The following BTBD9 variants were observed in gnomAD, a reference collection of about 807,000 sequenced individuals.
BTBD9 encodes BTB domain containing 9, also known as BTB/POZ domain-containing protein 9.
Under a neutral mutation model 64.3 loss-of-function variants are expected in BTBD9, and 49 were observed. That is an observed-to-expected ratio of 0.76 (90% confidence interval 0.61 to 0.97). The LOEUF is 0.97. Ranked by LOEUF, BTBD9 falls within the 50% of genes least tolerant of loss-of-function variation. The pLI is 0.00. For missense variants in BTBD9, 598 were observed against 762.1 expected, an observed-to-expected ratio of 0.78 and a Z score of 2.53; for synonymous variants, 260 against 274.7, an observed-to-expected ratio of 0.95 and a Z score of 0.53.
intron 6 of BTBD9, among the ~76,000 whole-genome samples, chr6:38,492,865 C>T (rs1771767355): frequency 1.3e-5 from 2 of 152,248 alleles, no homozygotes; most frequent in South Asian, 4.1e-4. Flanking sequence ...AAAAAAATTA[C>T]ATGATGATAT....
intron 6 of BTBD9, among the ~76,000 whole-genome samples, chr6:38,504,085 C>T (rs1458857397): frequency 6.6e-6 from 1 of 152,160 alleles, no homozygotes; most frequent in Non-Finnish European, 1.5e-5. Context: ...TATATATAAT[C>T]ATTCCCTTGC....
In BTBD9 at chr6:38,454,662, G is replaced by C. The variant is rs118011518; in HGVS notation, c.1155-109569C>G. On this transcript the variant is annotated intron_variant, in intron 6 of 10. Coordinates refer to ENST00000481247, the MANE Select transcript of BTBD9 (RefSeq NM_001099272.2). ...AAATTTTAAAAACTAGCTGGGCATG[G>C]TGGTGTGTGCCTGTTGTCCTAGCTA... 4.5e-3 allele frequency among the ~76,000 whole-genome samples: 688 copies of C among 151,934 alleles called. 20 individuals are homozygous for C. In the East Asian group the frequency reaches 0.077, roughly 17 times the overall value.
At chr6:38,218,882 G>C (rs920114653) in intron 9 of BTBD9, among the ~76,000 whole-genome samples, 1 of 152,164 alleles carries the variant, frequency 6.6e-6, no homozygotes, top group South Asian at 2.1e-4. Context: ...CATTTTATCT[G>C]ATATGGGAAG....
At chr6:38,335,572 T>C (rs1250416141) in intron 7 of BTBD9, among the ~76,000 whole-genome samples, 2 of 151,622 alleles carry the variant, frequency 1.3e-5, no homozygotes, top group African/African-American at 4.8e-5. Flanking sequence ...TTCTTTTTTT[T>C]TTAGTTTTTT....
At chr6:38,588,987 G>A (rs1270632338) in intron 4 of BTBD9, among the ~76,000 whole-genome samples, 2 of 152,158 alleles carry the variant, frequency 1.3e-5, no homozygotes, top group African/African-American at 4.8e-5. Flanking sequence ...ACAGGGAAGT[G>A]TAATGCTTCC....
intron 6 of BTBD9, among the ~76,000 whole-genome samples, chr6:38,476,276 T>C (rs1476242819): frequency 1.3e-5 from 2 of 152,218 alleles, no homozygotes. Context: ...TTCAGTGTAC[T>C]TGTAAGGCTA....
At chr6:38,387,943 A>C (rs909587513) in intron 6 of BTBD9, among the ~76,000 whole-genome samples, 9 of 152,182 alleles carry the variant, frequency 5.9e-5, no homozygotes, top group African/African-American at 1.7e-4. Context: ...AGGTAGCATC[A>C]ATTTGAAATG....
chr6:38,243,967 C>A (rs999563305), intron 9 of BTBD9, among the ~76,000 whole-genome samples: 1 of 152,102 alleles, frequency 6.6e-6, no homozygotes, highest in Non-Finnish European at 1.5e-5. Context: ...GGTATAATTA[C>A]CAAAACAGAG....
intron 6 of BTBD9, among the ~76,000 whole-genome samples, chr6:38,552,842 T>A (rs561558608): frequency 1.3e-5 from 2 of 152,218 alleles, no homozygotes; most frequent in East Asian, 3.9e-4. Context: ...TAGGTTAGCA[T>A]AATGTTAATA....
At chr6:38,230,064 A>AT (rs2127516318) in intron 9 of BTBD9, among the ~76,000 whole-genome samples, 1 of 152,306 alleles carries the variant, frequency 6.6e-6, no homozygotes, top group South Asian at 2.1e-4. Flanking sequence ...GCTTCTCATC[A>AT]TCTCCACTGT....
In BTBD9 at chr6:38,290,989, C is replaced by T. The variant is rs188239101; in HGVS notation, c.1265-2528G>A. ...ATATATCTATTCTCTTGCTGAAGGA[C>T]ATTTAGATTGTTACCATTGTTTTCT... On this transcript the variant is annotated intron_variant, in intron 7 of 10. Transcript: ENST00000481247. Among the ~76,000 whole-genome samples the T allele has an allele frequency of 1.2e-4, 18 of 152,272 alleles. No individual in the cohort carries two copies. In the East Asian group the frequency reaches 2.9e-3, roughly 24 times the overall value.
chr6:38,206,977 T>C (rs546991988), intron 9 of BTBD9, among the ~76,000 whole-genome samples: 1 of 152,298 alleles, frequency 6.6e-6, no homozygotes. Context: ...CAAGTTGACA[T>C]ACCCTCAACT....
chr6:38,539,149 C>T (rs1293718592), intron 6 of BTBD9, among the ~76,000 whole-genome samples: 1 of 152,078 alleles, frequency 6.6e-6, no homozygotes, highest in African/African-American at 2.4e-5. Flanking sequence ...CTGGGCTGGT[C>T]TCAAACTCCT....
chr6:38,438,204 GA>G (rs796416433), intron 6 of BTBD9, among the ~76,000 whole-genome samples: 19 of 115,560 alleles, frequency 1.6e-4, no homozygotes, highest in African/African-American at 4.9e-4. Context: ...AGGAGGAAAG[GA>G]AGGAGGGAGG....
intron 6 of BTBD9, among the ~76,000 whole-genome samples, chr6:38,386,104 A>G (rs903737292): frequency 5.3e-5 from 8 of 152,054 alleles, no homozygotes; most frequent in Admixed American, 3.9e-4. Context: ...ATAATATCCT[A>G]CTTCTAATCT....
chr6:38,296,781 G>A (rs139783475), intron 7 of BTBD9, among the ~76,000 whole-genome samples: 102 of 151,936 alleles, frequency 6.7e-4, no homozygotes, highest in African/African-American at 2.1e-3. Flanking sequence ...TCAGAAGTAC[G>A]TTTTCAACTT....
intron 1 of BTBD9, among the ~76,000 whole-genome samples, chr6:38,622,418 A>C (rs916449407): frequency 6.6e-6 from 1 of 152,172 alleles, no homozygotes; most frequent in Non-Finnish European, 1.5e-5. Flanking sequence ...GGCTTCCCCA[A>C]AGCTTACAAA....
At chr6:38,366,537 C>T (rs1765189608) in intron 6 of BTBD9, among the ~76,000 whole-genome samples, 1 of 152,116 alleles carries the variant, frequency 6.6e-6, no homozygotes, top group South Asian at 2.1e-4. Context: ...GGGCAGAACC[C>T]AAGAGTAAAA....
chr6:38,272,847 A>G (rs1364360866), intron 8 of BTBD9, among the ~76,000 whole-genome samples: 1 of 152,138 alleles, frequency 6.6e-6, no homozygotes, highest in Non-Finnish European at 1.5e-5. Flanking sequence ...ATGAATACAG[A>G]AAGGTCAGAT....
Sources: gnomAD v4.1 joint callset for allele counts (sites outside exome capture counted in the v4.1 genomes callset) on GRCh38, gnomAD v4.1.1 for gene constraint, MANE v1.5 for transcripts, NCBI Gene and HGNC (gene_info 2026-07-23, HGNC 2026-07-21) for gene names.